The following KLF12 variants were observed in gnomAD, a reference collection of about 807,000 sequenced individuals.
KLF12 encodes KLF transcription factor 12.
In KLF12, 9 loss-of-function variants were observed where a neutral mutation model predicts 37.8. The observed-to-expected ratio is 0.24, with a 90% CI of 0.14 to 0.42. The LOEUF (loss-of-function observed/expected upper bound fraction) is 0.42, where lower values mean the gene tolerates loss of function less well. Among genes scored for constraint, KLF12 ranks in the 10% least tolerant of loss-of-function variants. The pLI, the probability that KLF12 is intolerant of heterozygous loss-of-function variation, is 1.00. For missense variants in KLF12, 411 were observed against 516.0 expected (o/e 0.80, Z 1.97); for synonymous variants, 208 against 202.1 (o/e 1.03, Z -0.25).
intron 1 of KLF12, among the ~76,000 whole-genome samples, chr13:74,004,516 TATAA>T (rs1381866821): frequency 6.6e-6 from 1 of 152,290 alleles, no homozygotes; most frequent in South Asian, 2.1e-4. Flanking sequence ...AAATGATTCT[TATAA>T]ATAATCTTGG....
the KLF12 span, among the ~76,000 whole-genome samples, chr13:74,190,219 GACA>G: frequency 1.8e-4 from 28 of 151,964 alleles, no homozygotes; most frequent in African/African-American, 6.3e-4. Context: ...CAGCTTCCGT[GACA>G]ACAACACACC....
intron 3 of KLF12, among the ~76,000 whole-genome samples, chr13:73,925,462 C>A (rs1284051105): frequency 6.6e-6 from 1 of 152,160 alleles, no homozygotes; most frequent in African/African-American, 2.4e-5. Flanking sequence ...TTTAAGCTCA[C>A]TATTAAGACC....
intron 1 of KLF12, among the ~76,000 whole-genome samples, chr13:74,119,116 T>C (rs1228760735): frequency 6.6e-6 from 1 of 152,082 alleles, no homozygotes; most frequent in Non-Finnish European, 1.5e-5. Flanking sequence ...GCAGATCACC[T>C]GAGGCCAAGT....
At chr13:74,015,245 G>T (rs897030314) in intron 1 of KLF12, among the ~76,000 whole-genome samples, 1 of 152,218 alleles carries the variant, frequency 6.6e-6, no homozygotes, top group Non-Finnish European at 1.5e-5. Context: ...CTTAAAAGGT[G>T]TATGTGTAAT....
the KLF12 span, among the ~76,000 whole-genome samples, chr13:74,248,194 T>G: frequency 1.1e-3 from 167 of 152,310 alleles, 1 homozygote; most frequent in African/African-American, 3.8e-3. Context: ...TCAGTTTGAT[T>G]CTTGTGAGTT....
intron 3 of KLF12, among the ~76,000 whole-genome samples, chr13:73,907,311 A>G (rs1265101502): frequency 1.3e-5 from 2 of 151,956 alleles, no homozygotes; most frequent in East Asian, 3.9e-4. Context: ...TTCTTCCCTC[A>G]CTGAGCCGGC....
chr13:73,978,934 A>T (rs889052022), intron 2 of KLF12, among the ~76,000 whole-genome samples: 3 of 152,230 alleles, frequency 2.0e-5, no homozygotes, highest in African/African-American at 7.2e-5. Flanking sequence ...ACACTATTAT[A>T]ATTCCAACTA....
Position 73,917,444 on chromosome 13 carries a change from A to T in KLF12, c.123+26537T>A, listed in dbSNP as rs545717681. ...ATGCTTAGAAATCTATTATTTTTAA[A>T]TACCTATGTTTTTGTACCCGCCCAT... On this transcript the variant is annotated intron_variant, in intron 3 of 7. Transcript: ENST00000377669. Among the ~76,000 whole-genome samples the T allele has an allele frequency of 2.0e-4, 30 of 152,298 alleles. No homozygotes were observed. The South Asian group carries it at 6.0e-3, about 30-fold the overall frequency.
At chr13:74,270,242 G>A in the KLF12 span, among the ~76,000 whole-genome samples, 1 of 152,104 alleles carries the variant, frequency 6.6e-6, no homozygotes. Context: ...CAGACTCCTA[G>A]GTAATTTATA....
chr13:73,929,361 C>T (rs1889556829), intron 3 of KLF12, among the ~76,000 whole-genome samples: 1 of 152,084 alleles, frequency 6.6e-6, no homozygotes, highest in Non-Finnish European at 1.5e-5. Context: ...ATATTATAAT[C>T]CCCATTTTAC....
intron 7 of KLF12, among the ~76,000 whole-genome samples, chr13:73,696,120 A>G (rs79803721): frequency 0.046 from 6,833 of 148,132 alleles, 198 homozygotes; most frequent in Middle Eastern, 0.1. Context: ...GCTTAAGGCT[A>G]TTTTAAAACA....
intron 3 of KLF12, among the ~76,000 whole-genome samples, chr13:73,852,763 C>T (rs913235518): frequency 7.2e-5 from 11 of 151,742 alleles, no homozygotes; most frequent in South Asian, 2.1e-4. Flanking sequence ...GGTGACAGAG[C>T]GAGACTCCAT....
chr13:73,879,073 C>T (rs191737254), intron 3 of KLF12, among the ~76,000 whole-genome samples: 2 of 152,172 alleles, frequency 1.3e-5, no homozygotes, highest in Non-Finnish European at 2.9e-5. Flanking sequence ...GAACTTTCCA[C>T]AGCCCACAAG....
chr13:73,964,091 T>C (rs1593788013), intron 2 of KLF12, among the ~76,000 whole-genome samples: 1 of 152,202 alleles, frequency 6.6e-6, no homozygotes, highest in East Asian at 1.9e-4. Flanking sequence ...AGATTCCTTC[T>C]GAAGTATTGT....
chr13:73,784,715 C>T (rs972890789), intron 5 of KLF12, among the ~76,000 whole-genome samples: 6 of 151,310 alleles, frequency 4.0e-5, no homozygotes, highest in Non-Finnish European at 1.5e-5. Flanking sequence ...ACTGCAAGCT[C>T]CGCCTCCTGA....
rs192306873 is a variant in KLF12 at position 74,054,395 on chromosome 13, T to C, written c.-31-59342A>G. Among the ~76,000 whole-genome samples, 349 of 152,266 alleles carry C rather than the reference T, an allele frequency of 2.3e-3. 4 individuals carry two copies. The highest frequency in any genetic ancestry group is 7.7e-3 in the African/African-American group (321 of 41,550). ...AGAAGCTGGAGTTTTTCCATCAGCA[T>C]AAAAATCCCACGGAGAGTCAGCTCA... On this transcript the variant is annotated intron_variant, in intron 1 of 7. Transcript: ENST00000377669.
intron 1 of KLF12, among the ~76,000 whole-genome samples, chr13:74,018,847 T>C (rs1292836300): frequency 6.6e-6 from 1 of 152,186 alleles, no homozygotes; most frequent in Non-Finnish European, 1.5e-5. Flanking sequence ...GGCAATGGTG[T>C]TTCACTCCAT....
At chr13:74,204,690 G>A in the KLF12 span, among the ~76,000 whole-genome samples, 1 of 152,198 alleles carries the variant, frequency 6.6e-6, no homozygotes, top group South Asian at 2.1e-4. Context: ...AAAACATGTT[G>A]AAGATTCTAT....
intron 4 of KLF12, among the ~76,000 whole-genome samples, chr13:73,823,293 A>C (rs948489094): frequency 6.6e-6 from 1 of 152,140 alleles, no homozygotes. Flanking sequence ...AAAGAGCAAA[A>C]AATCCACCTC....
Sources: allele counts gnomAD v4.1 joint callset (sites outside exome capture counted in the v4.1 genomes callset), GRCh38; gene constraint gnomAD v4.1.1; transcripts MANE v1.5; gene names NCBI Gene and HGNC (gene_info 2026-07-23, HGNC 2026-07-21).